Variants in COL11A1 observed in about 807,000 individuals in gnomAD.
The protein encoded by COL11A1 is collagen type XI alpha 1 chain.
Under a neutral mutation model 265.2 loss-of-function variants are expected in COL11A1, and 74 were observed. The ratio of observed to expected loss-of-function variants is 0.28; its 90% CI spans 0.23 to 0.34. The LOEUF (loss-of-function observed/expected upper bound fraction) is 0.34, where lower values mean the gene tolerates loss of function less well. Ranked by LOEUF, COL11A1 falls within the 10% of genes least tolerant of loss-of-function variation. The pLI is 1.00. For synonymous variants in COL11A1, 816 were observed against 727.6 expected (o/e 1.12, Z -1.96); for missense variants, 2,165 against 2,263.6 (o/e 0.96, Z 0.88).
At chr1:103,010,079 C>T (rs1346428165) in intron 14 of COL11A1, among the ~76,000 whole-genome samples, 2 of 151,924 alleles carry the variant, frequency 1.3e-5, no homozygotes, top group African/African-American at 4.8e-5. Flanking sequence ...CAGTCATTGA[C>T]TATAAAATAA....
intron 26 of COL11A1, among the ~76,000 whole-genome samples, chr1:102,996,379 A>G (rs1017614928): frequency 6.6e-6 from 1 of 152,020 alleles, no homozygotes; most frequent in African/African-American, 2.4e-5. Context: ...ATGCTATACT[A>G]ATGTCTATAA....
At chr1:103,008,790 C>G (rs1665865788) in intron 14 of COL11A1, among the ~76,000 whole-genome samples, 1 of 152,118 alleles carries the variant, frequency 6.6e-6, no homozygotes, top group Non-Finnish European at 1.5e-5. Context: ...TTGAAATTGT[C>G]TTTTGTGTGT....
At position 102,888,617 on chromosome 1, in the gene COL11A1, T is replaced by C; in HGVS notation, c.4568A>G (p.Gln1523Arg). The C allele has an allele frequency of 2.5e-6, 4 of 1,613,828 alleles. No individual in the cohort carries two copies. Among genetic ancestry groups the C allele is most frequent in the Middle Eastern group, 1.6e-4 (1 of 6,062 alleles). ...CCCTGGAAGACCACTGTCACCTTTC[T>C]GGCCAGCGGGTCCCTGTTAGAAAGA... ...GNKGSTGPAGQKGDSGLPGPP... is the reference protein window; with the variant it reads ...GNKGSTGPAGRKGDSGLPGPP... Residue 1523 changes from glutamine (Q) to arginine (R), a missense_variant, in exon 62 of 67, where the codon CAG (glutamine) becomes CGG (arginine). Gln to Arg is a conservative substitution (Grantham distance 43). Transcript: ENST00000370096.
intron 1 of COL11A1, among the ~76,000 whole-genome samples, chr1:103,106,701 A>T (rs1209251929): frequency 6.6e-6 from 1 of 152,178 alleles, no homozygotes; most frequent in African/African-American, 2.4e-5. Flanking sequence ...TCCTAATAGG[A>T]CTTTCACTGT....
intron 1 of COL11A1, among the ~76,000 whole-genome samples, chr1:103,105,120 T>C (rs1449237082): frequency 6.6e-6 from 1 of 152,016 alleles, no homozygotes; most frequent in Non-Finnish European, 1.5e-5. Context: ...TAAGTCTAAC[T>C]CTTACTTAAA....
chr1:102,897,025 C>T (rs1177543825), intron 57 of COL11A1, among the ~76,000 whole-genome samples: 1 of 151,948 alleles, frequency 6.6e-6, no homozygotes, highest in African/African-American at 2.4e-5. Context: ...CTGATCATCT[C>T]CTGCTTGAAA....
At chr1:103,015,564 A>G in intron 12 of COL11A1, 104 bp downstream of exon 12, 1 of 884,928 alleles carries the variant, frequency 1.1e-6, no homozygotes, top group Non-Finnish European at 1.8e-6. Context: ...TCTACCTTGT[A>G]CAATGGTTTT....
chr1:102,991,834 A>ATT (rs5776670), intron 28 of COL11A1, among the ~76,000 whole-genome samples: 2 of 142,266 alleles, frequency 1.4e-5, no homozygotes, highest in African/African-American at 5.1e-5. Flanking sequence ...CATGCCAGGA[A>ATT]TTTTTTTTTT....
At chr1:103,029,071 G>A (rs1667781500) in intron 5 of COL11A1, among the ~76,000 whole-genome samples, 1 of 151,946 alleles carries the variant, frequency 6.6e-6, no homozygotes, top group Non-Finnish European at 1.5e-5. Flanking sequence ...CCATGGTGAT[G>A]GTTGTAAAGT....
At chr1:103,065,273 CA>C (rs1394256281) in intron 4 of COL11A1, among the ~76,000 whole-genome samples, 1 of 152,126 alleles carries the variant, frequency 6.6e-6, no homozygotes, top group Non-Finnish European at 1.5e-5. Flanking sequence ...ATAATCCCAG[CA>C]CTTTGGGAGG....
chr1:103,035,274 G>T (rs1004579446), intron 4 of COL11A1, among the ~76,000 whole-genome samples: 4 of 151,658 alleles, frequency 2.6e-5, no homozygotes, highest in Non-Finnish European at 4.4e-5. Flanking sequence ...CTTCTTTTTA[G>T]TGTTTTAAGC....
At chr1:102,934,844 T>C (rs1657976161) in intron 45 of COL11A1, among the ~76,000 whole-genome samples, 1 of 151,992 alleles carries the variant, frequency 6.6e-6, no homozygotes, top group South Asian at 2.1e-4. Flanking sequence ...TAAGGAATTC[T>C]CAACAAATTA....
chr1:102,962,077 T>C, intron 40 of COL11A1, 99 bp downstream of exon 40: 1 of 1,111,508 alleles, frequency 9.0e-7, no homozygotes. Flanking sequence ...TATATGTTTA[T>C]ATATCTTCCC....
intron 4 of COL11A1, among the ~76,000 whole-genome samples, chr1:103,072,937 T>C (rs1336854791): frequency 6.6e-6 from 1 of 151,816 alleles, no homozygotes; most frequent in Admixed American, 6.6e-5. Context: ...TCAAAGATTG[T>C]AAAAGATAAA....
chr1:103,031,248 GGAA>G lies in COL11A1; in HGVS notation c.652-7_652-5del. ...TCAAAAACTGCTGAATGTCCCCCTG[GGAA>G]AAAAAAAAAAACAAAAACAAACAGA... On this transcript the variant is annotated splice_polypyrimidine_tract_variant and splice_region_variant and intron_variant, in intron 4 of 66. Coordinates refer to ENST00000370096, the MANE Select transcript of COL11A1 (RefSeq NM_001854.4). 1 of 1,476,140 alleles carries G rather than the reference GGAA, an allele frequency of 6.8e-7. No homozygotes were observed. 91.4% of individuals were successfully genotyped at this position (1,476,140 alleles called of 1,614,324 possible).
At chr1:102,887,244 G>A (rs1181178771) in intron 62 of COL11A1, among the ~76,000 whole-genome samples, 188 bp from the exon 63 acceptor site, 1 of 152,022 alleles carries the variant, frequency 6.6e-6, no homozygotes, top group African/African-American at 2.4e-5. Context: ...TGATGAACTT[G>A]GTGGAGATAT....
At chr1:103,051,303 G>A (rs938837135) in intron 4 of COL11A1, among the ~76,000 whole-genome samples, 2 of 152,162 alleles carry the variant, frequency 1.3e-5, no homozygotes, top group Non-Finnish European at 2.9e-5. Flanking sequence ...TGGCAATGGC[G>A]GGTGCCCCTC....
intron 34 of COL11A1, 34 bp from the exon 35 acceptor site, chr1:102,978,786 G>C (rs1290268454): frequency 1.9e-6 from 3 of 1,613,862 alleles, no homozygotes; most frequent in Non-Finnish European, 1.7e-6. Context: ...AAATCAGTTT[G>C]AATTCTTTCT....
intron 13 of COL11A1, among the ~76,000 whole-genome samples, chr1:103,012,913 G>C (rs1187542762): frequency 6.6e-6 from 1 of 151,948 alleles, no homozygotes; most frequent in Admixed American, 6.6e-5. Context: ...AACAAAACTG[G>C]TCAGGAAGTG....
Sources: allele counts gnomAD v4.1 joint callset (sites outside exome capture counted in the v4.1 genomes callset), GRCh38; gene constraint gnomAD v4.1.1; transcripts MANE v1.5; gene names NCBI Gene and HGNC (gene_info 2026-07-23, HGNC 2026-07-21).